MYH13: variants seen among roughly 807,000 people sequenced by gnomAD.
The protein encoded by MYH13 is myosin-13.
A neutral mutation model predicts 232.1 loss-of-function variants in MYH13; 177 were observed. That is an observed-to-expected ratio of 0.76 (90% confidence interval 0.67 to 0.86). The LOEUF (loss-of-function observed/expected upper bound fraction) is 0.86. MYH13 is among the 40% of genes least tolerant of loss of function. The probability of loss-of-function intolerance (pLI) is 0.00; values close to 1 mark genes in which losing one functional copy is unlikely to be tolerated. For synonymous variants in MYH13, 884 were observed against 923.5 expected, an observed-to-expected ratio of 0.96 and a Z score of 0.78; for missense variants, 2,246 against 2,405.9, an observed-to-expected ratio of 0.93 and a Z score of 1.39.
chr17:10,303,427 CT>C lies in MYH13; in HGVS notation c.5537del (p.Lys1846SerfsTer9). The C allele has an allele frequency of 1.2e-6, 2 of 1,613,994 alleles. No homozygotes were observed. The highest frequency in any genetic ancestry group is 1.7e-6 in the Non-Finnish European group (2 of 1,179,876). ...TCATCTCCTTGACTTTGCGTTCGTA[CT>C]TGTGGGCTCCCTTCAGGGCTTCAGC... ...RGAEALKGAHKYERKVKEMTY... is the reference protein window; with the variant it reads ...RGAEALKGAHXYERKVKEMTY... On this transcript the variant is annotated frameshift_variant, in exon 38 of 41. Coordinates refer to ENST00000252172, the MANE Select transcript of MYH13 (RefSeq NM_003802.3). LOFTEE classifies it high-confidence loss of function.
chr17:10,342,140 A>G (rs935291184), intron 16 of MYH13, among the ~76,000 whole-genome samples: 2 of 152,050 alleles, frequency 1.3e-5, no homozygotes, highest in African/African-American at 4.8e-5. Context: ...CAGCCACCCA[A>G]TCTCATGTGA....
chr17:10,330,479 T>C lies in MYH13; in HGVS notation c.2343A>G (p.Arg781=). 6.2e-7 allele frequency: 1 copy of C among 1,612,164 alleles called. No individual in the cohort carries two copies. Among genetic ancestry groups the C allele is most frequent in the Non-Finnish European group, 8.5e-7 (1 of 1,179,594 alleles). The part of the protein sequence containing the change: ...AGLLGLLEEM[R]DEKLVTLMTS... The stretch of plus-strand genomic sequence containing the variant: ...TCATCAGCGTCACCAGCTTCTCATC[T>C]CTCATCTCCTCCAAAAGTCCCAGGA... The change falls in exon 21 of 41, where the codon AGA becomes AGG. Residue 781 remains arginine, a synonymous_variant. Transcript: ENST00000252172.
At chr17:10,371,126 G>A (rs1021641952) in intron 2 of MYH13, 83 bp downstream of exon 2, 3 of 152,158 alleles carry the variant, frequency 2.0e-5, no homozygotes, top group Non-Finnish European at 4.4e-5. Context: ...CTTCTTATGA[G>A]TGTGGCAAGA....
intron 4 of MYH13, 33 bp downstream of exon 4, chr17:10,362,327 A>C: frequency 6.8e-6 from 11 of 1,614,042 alleles, no homozygotes; most frequent in Non-Finnish European, 9.3e-6. Flanking sequence ...TCAGAGAGAG[A>C]CATGAAATAA....
chr17:10,343,411 T>C (rs2071634834), intron 16 of MYH13, among the ~76,000 whole-genome samples: 1 of 152,174 alleles, frequency 6.6e-6, no homozygotes, highest in Non-Finnish European at 1.5e-5. Context: ...TTGGCCAGGC[T>C]GGTCTCAAAC....
intron 27 of MYH13, among the ~76,000 whole-genome samples, chr17:10,316,721 T>G (rs1202646401): frequency 1.3e-5 from 2 of 152,242 alleles, no homozygotes; most frequent in Non-Finnish European, 1.5e-5. Context: ...AGGTTCCCCA[T>G]GGTGCAGGCC....
chr17:10,314,361 G>A (rs1352550758), intron 29 of MYH13, among the ~76,000 whole-genome samples: 1 of 150,784 alleles, frequency 6.6e-6, no homozygotes, highest in East Asian at 2.0e-4. Context: ...GTTGTGGTGA[G>A]CCAAGATCGA....
chr17:10,345,235 C>T lies in MYH13; in HGVS notation c.1551G>A (p.Met517Ile). The stretch of plus-strand genomic sequence containing the variant: ...TGAGCTCGATGCAGGCAGCCAGGTC[C>T]ATTCCGAAGTCAATGAACTCCCACT... Reference protein sequence around the residue: ...GIEWEFIDFGMDLAACIELIE... With the variant: ...GIEWEFIDFGIDLAACIELIE... The change falls in exon 15 of 41, where the codon ATG becomes ATA. Residue 517 changes from methionine to isoleucine, a missense_variant. Transcript: ENST00000252172. 2 of 1,614,176 alleles carry T rather than the reference C, an allele frequency of 1.2e-6. 1 individual carries two copies. Among genetic ancestry groups the T allele is most frequent in the South Asian group, 2.2e-5 (2 of 91,080 alleles).
rs12103825 is a variant in MYH13 at position 10,318,850 on chromosome 17, G to C, written c.3678C>G (p.Ser1226Arg). Residue 1226 changes from serine (S) to arginine (R), a missense_variant, in exon 27 of 41, where the codon AGC (serine) becomes AGG (arginine). Coordinates refer to ENST00000252172, the MANE Select transcript of MYH13 (RefSeq NM_003802.3). ...TGTCGTCAATCTCCATCTTCAGCTCGCTCTTCTCCTTCTCCAGCTTCTGCT... is the reference window on the plus strand; with the variant it reads ...TGTCGTCAATCTCCATCTTCAGCTCCCTCTTCTCCTTCTCCAGCTTCTGCT... ...RVKQKLEKEK[S>R]ELKMEIDDMA... The C allele has an allele frequency of 6.8e-6, 11 of 1,613,924 alleles. No individual in the cohort carries two copies. Among genetic ancestry groups the C allele is most frequent in the Non-Finnish European group, 9.3e-6 (11 of 1,180,030 alleles).
chr17:10,341,825 G>A (rs1018451732), intron 16 of MYH13, among the ~76,000 whole-genome samples: 3 of 152,118 alleles, frequency 2.0e-5, no homozygotes, highest in African/African-American at 4.8e-5. Flanking sequence ...TGAAGTTTAC[G>A]CATGTGCCCA....
chr17:10,312,086 G>A lies in MYH13; in HGVS notation c.4366-10C>T. The A allele has an allele frequency of 6.2e-7, 1 of 1,613,202 alleles. No homozygotes were observed. Among genetic ancestry groups the A allele is most frequent in the Non-Finnish European group, 8.5e-7 (1 of 1,179,844 alleles). On this transcript the variant is annotated splice_polypyrimidine_tract_variant and intron_variant, in intron 31 of 40. Coordinates refer to ENST00000252172, the MANE Select transcript of MYH13 (RefSeq NM_003802.3). The stretch of plus-strand genomic sequence containing the variant: ...TCCACTCTGCAAGGACCTGGGAGAT[G>A]ACAAAGGGACATGGGAGAAGCAGAA...
intron 33 of MYH13, 48 bp downstream of exon 33, chr17:10,311,055 A>G (rs994281035): frequency 3.1e-6 from 5 of 1,608,478 alleles, no homozygotes; most frequent in Non-Finnish European, 4.2e-6. Flanking sequence ...AGCCTCTTTC[A>G]GTTCCCTGTC....
intron 3 of MYH13, among the ~76,000 whole-genome samples, chr17:10,363,478 A>G (rs2071810159): frequency 6.6e-6 from 1 of 152,170 alleles, no homozygotes; most frequent in African/African-American, 2.4e-5. Context: ...TTTTTGAGGA[A>G]GGAAAGGCCT....
rs1202342799 is a variant in MYH13 at position 10,304,447 on chromosome 17, T to C, written c.5467-949A>G. ...TCAGGATTTGCTTAGATGCTCCCTT[T>C]TGTGGAGCCAGGTCGTTTGGCAAGG... On this transcript the variant is annotated intron_variant, in intron 37 of 40. Coordinates refer to ENST00000252172, the MANE Select transcript of MYH13 (RefSeq NM_003802.3). The surrounding 1 kb of genome is among the most constrained non-coding windows in gnomAD (Gnocchi z 5.3). Among the ~76,000 whole-genome samples, 1 of 152,214 alleles carries C rather than the reference T, an allele frequency of 6.6e-6. No homozygotes were observed. The highest frequency in any genetic ancestry group is 1.5e-5 in the Non-Finnish European group (1 of 68,028).
chr17:10,306,688 G>A lies in MYH13; in HGVS notation c.5296-59C>T. 1.9e-6 allele frequency: 3 copies of A among 1,603,000 alleles called. No individual in the cohort carries two copies. Among genetic ancestry groups the A allele is most frequent in the Non-Finnish European group, 1.7e-6 (2 of 1,175,094 alleles). On this transcript the variant is annotated intron_variant, in intron 36 of 40. Transcript: ENST00000252172. This position sits in a 1 kb window ranked among gnomAD's most constrained non-coding sequence, Gnocchi z 4.3. ...GTCCGCCCATCCCTACCCAGAGCTT[G>A]CAGAAGAGGCGAAGGCTGGGATCAT... is the stretch of plus-strand genomic sequence containing the variant.
Position 10,320,460 on chromosome 17 carries a change from C to T in MYH13, c.3148G>A (p.Ala1050Thr). ...TTCCTCTTCGCCCTTTCCAAGTCCG[C>T]CCGCAGTTTCTTCTCCTGCTCTAAG... ...GSLEQEKKLR[A>T]DLERAKRKLE... is the part of the protein sequence containing the mutation. The change falls in exon 25 of 41, where the codon GCG becomes ACG. Residue 1050 changes from alanine (A) to threonine (T), a missense_variant. Physicochemically the swap from Ala to Thr is moderately conservative, Grantham distance 58. Transcript: ENST00000252172. 1 of 1,613,466 alleles carries T rather than the reference C, an allele frequency of 6.2e-7. No individual in the cohort carries two copies. The highest frequency in any genetic ancestry group is 8.5e-7 in the Non-Finnish European group (1 of 1,179,706).
At chr17:10,349,014 T>TTCCCTTCCTTC (rs1049750104) in intron 12 of MYH13, among the ~76,000 whole-genome samples, 56 of 150,832 alleles carry the variant, frequency 3.7e-4, no homozygotes, top group Non-Finnish European at 7.0e-4. Flanking sequence ...TTCCCTTCCC[T>TTCCCTTCCTTC]TCCCTTCCTT....
intron 23 of MYH13, among the ~76,000 whole-genome samples, chr17:10,323,193 T>A (rs533900120): frequency 6.6e-6 from 1 of 152,236 alleles, no homozygotes; most frequent in Admixed American, 6.5e-5. Context: ...AGGAGCAGAA[T>A]TGCTGGGTCG....
chr17:10,364,352 A>T lies in MYH13; in HGVS notation c.179T>A (p.Val60Asp), dbSNP rs2071816477. The change falls in exon 3 of 41, where the codon GTC becomes GAC. Residue 60 changes from valine to aspartate, a missense_variant. By Grantham distance (152) the Val-to-Asp change is radical. Transcript: ENST00000252172. ...CCGGTCATCGAGGGTCTTGACTATG[A>T]CTTTGTCATTTTCCCTAGTCTGGAT... ...GMIQTRENDK[V>D]IVKTLDDRML... The T allele has an allele frequency of 6.2e-7, 1 of 1,613,750 alleles. No homozygotes were observed. Among genetic ancestry groups the T allele is most frequent in the Non-Finnish European group, 8.5e-7 (1 of 1,179,828 alleles).
Sources: allele counts gnomAD v4.1 joint callset (sites outside exome capture counted in the v4.1 genomes callset), GRCh38; gene constraint gnomAD v4.1.1; non-coding constraint Gnocchi (gnomAD v3.1); transcripts MANE v1.5; gene names NCBI Gene and HGNC (gene_info 2026-07-23, HGNC 2026-07-21).